ARB2A: variants seen among roughly 807,000 people sequenced by gnomAD.
The protein encoded by ARB2A is ARB2 cotranscriptional regulator A, also known as cotranscriptional regulator ARB2A.
chr5:93,886,040 CAAG>C, the ARB2A span, among the ~76,000 whole-genome samples: 4 of 151,682 alleles, frequency 2.6e-5, no homozygotes, highest in Admixed American at 2.0e-4. Context: ...ACGCACTTAT[CAAG>C]AAGATTCTGT....
chr5:94,016,736 G>A, the ARB2A span, among the ~76,000 whole-genome samples: 15 of 152,274 alleles, frequency 9.9e-5, no homozygotes, highest in East Asian at 2.9e-3. Context: ...ATCAAGAAAT[G>A]GTTCTAGAAG....
the ARB2A span, among the ~76,000 whole-genome samples, chr5:93,917,653 G>A: frequency 6.6e-6 from 1 of 152,044 alleles, no homozygotes; most frequent in Non-Finnish European, 1.5e-5. Flanking sequence ...AAAGGCGGGA[G>A]GATTGCTTGA....
chr5:94,064,577 T>C, the ARB2A span, among the ~76,000 whole-genome samples: 2 of 152,224 alleles, frequency 1.3e-5, no homozygotes, highest in South Asian at 2.1e-4. Flanking sequence ...GAAAGAATTC[T>C]AAAAACAGCA....
At chr5:93,822,015 T>C in the ARB2A span, among the ~76,000 whole-genome samples, 14,303 of 152,198 alleles carry the variant, frequency 0.094, 828 homozygotes, top group Middle Eastern at 0.17. Flanking sequence ...CTGACAGATA[T>C]GTGATGTGCC....
At chr5:94,029,475 A>G in the ARB2A span, among the ~76,000 whole-genome samples, 2 of 152,142 alleles carry the variant, frequency 1.3e-5, no homozygotes, top group Non-Finnish European at 1.5e-5. Context: ...TTAACTTTTC[A>G]TCTATCCCCT....
At chr5:93,751,520 A>G in the ARB2A span, among the ~76,000 whole-genome samples, 41 of 152,318 alleles carry the variant, frequency 2.7e-4, no homozygotes, top group African/African-American at 8.9e-4. Context: ...TTCCTTTGGA[A>G]AAAGACTATA....
the ARB2A span, among the ~76,000 whole-genome samples, chr5:93,658,671 A>C: frequency 2.6e-5 from 4 of 152,124 alleles, no homozygotes; most frequent in African/African-American, 9.6e-5. Flanking sequence ...ATTTACTGTA[A>C]GAAAAATATC....
the ARB2A span, among the ~76,000 whole-genome samples, chr5:93,874,921 G>T: frequency 1.3e-5 from 2 of 152,110 alleles, no homozygotes; most frequent in East Asian, 1.9e-4. Context: ...CTTGAGAAAT[G>T]ATGTTATTTA....
the ARB2A span, among the ~76,000 whole-genome samples, chr5:93,685,303 C>A: frequency 6.6e-6 from 1 of 151,858 alleles, no homozygotes; most frequent in South Asian, 2.1e-4. Flanking sequence ...ACTTTAGCAG[C>A]AAAGAATTTA....
At chr5:94,099,525 G>A in the ARB2A span, among the ~76,000 whole-genome samples, 19 of 149,632 alleles carry the variant, frequency 1.3e-4, no homozygotes, top group Admixed American at 2.0e-4. Flanking sequence ...TCGGGATGCT[G>A]AGGCAGGAGA....
chr5:93,917,121 C>T, the ARB2A span, among the ~76,000 whole-genome samples: 1 of 152,076 alleles, frequency 6.6e-6, no homozygotes, highest in Non-Finnish European at 1.5e-5. Flanking sequence ...CCTAATACAC[C>T]TCAGAGAAGT....
At chr5:94,009,322 C>T in the ARB2A span, among the ~76,000 whole-genome samples, 1 of 152,022 alleles carries the variant, frequency 6.6e-6, no homozygotes, top group African/African-American at 2.4e-5. Flanking sequence ...CCTGCTTTCT[C>T]CAAAGACTGG....
At chr5:94,020,979 C>T in the ARB2A span, among the ~76,000 whole-genome samples, 3 of 152,172 alleles carry the variant, frequency 2.0e-5, no homozygotes, top group South Asian at 2.1e-4. Context: ...CACCATGGCA[C>T]GTGTATCCCT....
chr5:93,793,333 C>T, the ARB2A span, among the ~76,000 whole-genome samples: 2 of 148,408 alleles, frequency 1.3e-5, no homozygotes, highest in East Asian at 4.0e-4. Context: ...ATCCTCCCAT[C>T]TTGGCCTCCT....
chr5:93,815,484 T>A, the ARB2A span, among the ~76,000 whole-genome samples: 1 of 152,178 alleles, frequency 6.6e-6, no homozygotes, highest in Non-Finnish European at 1.5e-5. Context: ...GTATCTTACA[T>A]GTCCTCAGAA....
At chr5:93,939,313 T>C in the ARB2A span, among the ~76,000 whole-genome samples, 1 of 152,150 alleles carries the variant, frequency 6.6e-6, no homozygotes, top group South Asian at 2.1e-4. Flanking sequence ...AGAAATAAAT[T>C]GATCCTTATT....
At chr5:93,671,116 G>T in the ARB2A span, among the ~76,000 whole-genome samples, 2 of 152,036 alleles carry the variant, frequency 1.3e-5, no homozygotes, top group African/African-American at 4.8e-5. Flanking sequence ...CTCAAAACAA[G>T]ATATTTTCCA....
chr5:93,873,302 G>A, the ARB2A span, among the ~76,000 whole-genome samples: 75 of 3,036 alleles, frequency 0.025, no homozygotes, highest in East Asian at 0.25. Flanking sequence ...AAAAAAAAAA[G>A]GGGGGGGGGA....
the ARB2A span, among the ~76,000 whole-genome samples, chr5:93,994,539 A>G: frequency 1.3e-5 from 2 of 152,216 alleles, no homozygotes; most frequent in African/African-American, 2.4e-5. Flanking sequence ...CTGGTGTTCA[A>G]CGGGTACATA....
Sources: allele counts gnomAD v4.1 joint callset (sites outside exome capture counted in the v4.1 genomes callset), GRCh38; gene constraint gnomAD v4.1.1; transcripts MANE v1.5; gene names NCBI Gene and HGNC (gene_info 2026-07-23, HGNC 2026-07-21).